SEC22C: variants seen among roughly 807,000 people sequenced by gnomAD.
The protein encoded by SEC22C is vesicle-trafficking protein SEC22c.
SEC22C carries 29 observed loss-of-function variants against 34.7 expected under a neutral mutation model. The ratio of observed to expected loss-of-function variants is 0.84; its 90% CI spans 0.62 to 1.14. The LOEUF is 1.14. Ranked by LOEUF, SEC22C falls within the 50% of genes most tolerant of loss-of-function variation. The pLI, the probability that SEC22C is intolerant of heterozygous loss-of-function variation, is 0.00. For missense variants in SEC22C, 337 were observed against 369.0 expected, an observed-to-expected ratio of 0.91 and a Z score of 0.71; for synonymous variants, 117 against 132.8, an observed-to-expected ratio of 0.88 and a Z score of 0.82.
At chr3:42,566,360 C>T (rs1343018704) in intron 2 of SEC22C, among the ~76,000 whole-genome samples, 2 of 152,176 alleles carry the variant, frequency 1.3e-5, no homozygotes, top group African/African-American at 4.8e-5. Flanking sequence ...AAAAGGACCT[C>T]AGCTTAGCAG....
rs138953660 is a variant in SEC22C, at chr3:42,591,830, C to T, written c.-28+9130G>A. On this transcript the variant is annotated intron_variant, in intron 1 of 6. Transcript: ENST00000417572. ...CTTTCTTCAAAATGTGAATTATTCT[C>T]ACTGCAAAGCCTCCTTCACTCAAAG... Among the ~76,000 whole-genome samples, 830 of 152,316 alleles carry T rather than the reference C, an allele frequency of 5.4e-3. 8 individuals carry two copies. The highest frequency in any genetic ancestry group is 0.037 in the Middle Eastern group (11 of 294).
At chr3:42,555,225 C>T (rs1347562408) in intron 6 of SEC22C, among the ~76,000 whole-genome samples, 1 of 151,806 alleles carries the variant, frequency 6.6e-6, no homozygotes, top group African/African-American at 2.4e-5. Flanking sequence ...TGGGCACCTA[C>T]AGTCCCAGCT....
intron 4 of SEC22C, among the ~76,000 whole-genome samples, chr3:42,560,758 T>C (rs1057372550): frequency 6.6e-6 from 1 of 151,946 alleles, no homozygotes; most frequent in Non-Finnish European, 1.5e-5. Flanking sequence ...CCTACTTCAG[T>C]CTCTGCAGTA....
chr3:42,591,196 C>CCTT, intron 1 of SEC22C: 1 of 523,792 alleles, frequency 1.9e-6, no homozygotes, highest in South Asian at 2.3e-5. Context: ...CTAACCCTTT[C>CCTT]TCTCCTTTTT....
chr3:42,563,672 C>T lies in SEC22C; in HGVS notation c.197G>A (p.Gly66Glu), dbSNP rs752102415. The T allele has an allele frequency of 1.2e-6, 2 of 1,613,756 alleles. No individual in the cohort carries two copies. The highest frequency in any genetic ancestry group is 2.7e-5 in the African/African-American group (2 of 74,866). ...CDFSIHFSSF[G>E]DVACMAICSC... is the part of the protein sequence containing the mutation. ...GCAGATAGCCATGCAGGCCACGTCC[C>T]CGAAAGAAGAAAAACTGAAACAAAA... The change falls in exon 3 of 7, where the codon GGG (glycine) becomes GAG (glutamate). Residue 66 changes from glycine to glutamate, a missense_variant. By Grantham distance (98) the Gly-to-Glu change is moderately conservative. Transcript: ENST00000264454.
rs1703434457 is a variant in SEC22C at position 42,568,923 on chromosome 3, A to C, written c.124T>G (p.Leu42Val). The C allele has an allele frequency of 1.9e-6, 3 of 1,614,232 alleles. No homozygotes were observed. The highest frequency in any genetic ancestry group is 2.5e-6 in the Non-Finnish European group (3 of 1,180,026). The change falls in exon 2 of 7, where the codon TTG becomes GTG. Residue 42 changes from leucine to valine, a missense_variant. Physicochemically the swap from Leu to Val is conservative, Grantham distance 32. Coordinates refer to ENST00000264454, the MANE Select transcript of SEC22C (RefSeq NM_032970.4). The part of the protein sequence containing the change: ...EWRRRLKSLA[L>V]RLAQYPGRGS... ...CGACCTGGATACTGGGCCAGTCGCA[A>C]GGCTAAACTCTTGAGCCGTCTCCTC...
In SEC22C at chr3:42,600,939, CGCCCTCGCCCCT is replaced by C. The variant is rs1238129925; in HGVS notation, c.-28+9_-28+20del. The C allele has an allele frequency of 7.2e-6, 9 of 1,254,818 alleles. No individual in the cohort carries two copies. In the Admixed American group the frequency reaches 1.4e-4, roughly 20 times the overall value. The allele number at this position is 1,254,818 out of a possible 1,614,324, so 77.7% of individuals were successfully genotyped here. A position where few individuals can be genotyped will look rare whatever the true frequency, so the allele number is the denominator to read the frequency against. The stretch of plus-strand genomic sequence containing the variant: ...CCGCCCTCGCCCCTGCCCTCGCCCC[CGCCCTCGCCCCT>C]GCCCTGACCGCTTTTCTCCCCCTCT... On this transcript the variant is annotated intron_variant, in intron 1 of 6. Coordinates refer to the SEC22C transcript ENST00000417572.
intron 1 of SEC22C, among the ~76,000 whole-genome samples, chr3:42,588,190 T>G (rs1704688352): frequency 6.6e-6 from 1 of 151,814 alleles, no homozygotes. Context: ...GATCATGAGG[T>G]CAGGAGTTCA....
chr3:42,583,512 A>G (rs1704502818), upstream of SEC22C, among the ~76,000 whole-genome samples: 1 of 152,172 alleles, frequency 6.6e-6, no homozygotes, highest in African/African-American at 2.4e-5. Flanking sequence ...TCCATCTTAG[A>G]CAAGTTGAAT....
chr3:42,548,877 T>C lies in SEC22C; in HGVS notation c.*4371A>G, dbSNP rs1324698796. On this transcript the variant is annotated 3_prime_UTR_variant, in exon 7 of 7. Transcript: ENST00000264454. ...TCATGTACCAGGTGAATGTAAAGCC[T>C]TTCTCCTCCCACACACAATGGACTC... 7.3e-7 allele frequency: 1 copy of C among 1,377,028 alleles called. No homozygotes were observed. The highest frequency in any genetic ancestry group is 2.6e-5 in the East Asian group (1 of 38,192). The allele number at this position is 1,377,028 out of a possible 1,614,324, so 85.3% of individuals were successfully genotyped here.
chr3:42,569,124 A>C, intron 1 of SEC22C, 51 bp from the exon 2 acceptor site: 1 of 1,204,044 alleles, frequency 8.3e-7, no homozygotes, highest in Middle Eastern at 2.2e-4. Context: ...ACAGTGCCAG[A>C]AATACCCCCA....
chr3:42,598,953 C>G (rs2125745055), intron 1 of SEC22C, among the ~76,000 whole-genome samples: 1 of 139,336 alleles, frequency 7.2e-6, no homozygotes, highest in African/African-American at 2.8e-5. Context: ...ATCTGTAGAT[C>G]TATAGATCTA....
At chr3:42,589,213 G>C (rs975660492) in intron 1 of SEC22C, among the ~76,000 whole-genome samples, 5 of 149,774 alleles carry the variant, frequency 3.3e-5, no homozygotes, top group Admixed American at 2.7e-4. Flanking sequence ...AGGTTGCAGT[G>C]AGCCGAGATC....
At chr3:42,590,667 A>G (rs1427665915) in intron 1 of SEC22C, 55 of 600,268 alleles carry the variant, frequency 9.2e-5, no homozygotes, top group Admixed American at 4.4e-4. Context: ...CCCAACCCAC[A>G]AGTTTCGCTC....
At chr3:42,594,534 T>C in intron 1 of SEC22C, 1 of 1,597,926 alleles carries the variant, frequency 6.3e-7, no homozygotes, top group Non-Finnish European at 8.6e-7. Context: ...TAGAATAATC[T>C]TCCATTTGGC....
At chr3:42,566,822 G>T in intron 2 of SEC22C, 1 of 425,302 alleles carries the variant, frequency 2.4e-6, no homozygotes, top group Non-Finnish European at 4.8e-6. Context: ...TGGGCAACAT[G>T]GCAAGACCTT....
intron 3 of SEC22C, among the ~76,000 whole-genome samples, 185 bp downstream of exon 3, chr3:42,563,338 T>G (rs1703038596): frequency 6.6e-6 from 1 of 152,226 alleles, no homozygotes; most frequent in African/African-American, 2.4e-5. Context: ...GCCAGAGTGT[T>G]AAACCTTGAC....
chr3:42,596,149 G>A lies in SEC22C; in HGVS notation c.-28+4811C>T, dbSNP rs147918180. The stretch of plus-strand genomic sequence containing the variant: ...TGATTCTCCTGCCTCAGCCTCCCAA[G>A]TAGCTGGGATTACAGGCATGTGGCA... On this transcript the variant is annotated intron_variant, in intron 1 of 6. Transcript: ENST00000417572. 2.8e-3 allele frequency among the ~76,000 whole-genome samples: 426 copies of A among 152,072 alleles called. 2 individuals carry two copies. Among genetic ancestry groups the A allele is most frequent in the African/African-American group, 9.7e-3 (403 of 41,474 alleles).
exon 1 of SEC22C, chr3:42,600,975 C>G (rs1291964875): frequency 2.0e-6 from 3 of 1,516,086 alleles, no homozygotes; most frequent in Admixed American, 2.1e-5. Flanking sequence ...TTCTCCCCCT[C>G]TCTCCCAGCT....
Sources: gnomAD v4.1 joint callset for allele counts (sites outside exome capture counted in the v4.1 genomes callset) on GRCh38, gnomAD v4.1.1 for gene constraint, MANE v1.5 for transcripts, NCBI Gene and HGNC (gene_info 2026-07-23, HGNC 2026-07-21) for gene names.